Variants in ATXN7L1 observed in about 807,000 individuals in gnomAD.
ATXN7L1 encodes the protein ataxin 7 like 1.
Under a neutral mutation model 70.8 loss-of-function variants are expected in ATXN7L1, and 15 were observed. That is an observed-to-expected ratio of 0.21 (90% confidence interval 0.14 to 0.33). The LOEUF is 0.33. Among genes scored for constraint, ATXN7L1 ranks in the 10% least tolerant of loss-of-function variants. The probability of loss-of-function intolerance (pLI) is 1.00; values close to 1 mark genes in which losing one functional copy is unlikely to be tolerated. For synonymous variants in ATXN7L1, 440 were observed against 445.1 expected (o/e 0.99, Z 0.14); for missense variants, 975 against 1,097.1 (o/e 0.89, Z 1.57).
At chr7:105,728,734 G>A (rs1796186110) in intron 3 of ATXN7L1, among the ~76,000 whole-genome samples, 1 of 152,044 alleles carries the variant, frequency 6.6e-6, no homozygotes, top group Non-Finnish European at 1.5e-5. Context: ...GCAGAGGCAG[G>A]AAATATACAA....
At chr7:105,712,556 G>C (rs1205746636) in intron 3 of ATXN7L1, among the ~76,000 whole-genome samples, 3 of 152,154 alleles carry the variant, frequency 2.0e-5, no homozygotes, top group Non-Finnish European at 4.4e-5. Context: ...TCTTCTGCCA[G>C]ATACCCTAAA....
chr7:105,700,382 C>T (rs1792285068), intron 3 of ATXN7L1, among the ~76,000 whole-genome samples: 1 of 151,884 alleles, frequency 6.6e-6, no homozygotes, highest in African/African-American at 2.4e-5. Context: ...TGGCATGCTC[C>T]TGTTGTCCCA....
intron 3 of ATXN7L1, among the ~76,000 whole-genome samples, chr7:105,700,117 T>C (rs1028498491): frequency 1.3e-5 from 2 of 152,194 alleles, no homozygotes; most frequent in Admixed American, 6.5e-5. Flanking sequence ...TACTGAGATA[T>C]TATGGAATGC....
At position 105,610,559 on chromosome 7, in the gene ATXN7L1, T is replaced by A; in HGVS notation, c.2517A>T (p.Ser839=). 1 of 1,551,386 alleles carries A rather than the reference T, an allele frequency of 6.4e-7. No individual in the cohort carries two copies. The highest frequency in any genetic ancestry group is 8.7e-7 in the Non-Finnish European group (1 of 1,146,942). Residue 839 remains serine, a synonymous_variant, in exon 11 of 12, where the codon TCA becomes TCT. Coordinates refer to ENST00000419735, the MANE Select transcript of ATXN7L1 (RefSeq NM_020725.2). ...GGCTGTGTCCTGGGCTGGATATACT[T>A]GAAGGACTGGATTGTGACAAAGCTA... is the stretch of plus-strand genomic sequence containing the variant. The part of the protein sequence containing the change: ...SSLALSQSSP[S]SISSPGHSRQ...
At chr7:105,632,271 A>T (rs1300112417) in intron 7 of ATXN7L1, among the ~76,000 whole-genome samples, 1 of 152,244 alleles carries the variant, frequency 6.6e-6, no homozygotes, top group African/African-American at 2.4e-5. Flanking sequence ...ATCTTCAAAG[A>T]TATTAGGATG....
intron 3 of ATXN7L1, chr7:105,761,418 C>T (rs369430279): frequency 6.2e-7 from 1 of 1,614,128 alleles, no homozygotes; most frequent in East Asian, 2.2e-5. Flanking sequence ...GCTCTCTGGT[C>T]CACTCCTGGA....
At chr7:105,738,196 G>A (rs1025232140) in intron 3 of ATXN7L1, among the ~76,000 whole-genome samples, 1 of 152,290 alleles carries the variant, frequency 6.6e-6, no homozygotes, top group African/African-American at 2.4e-5. Flanking sequence ...TCTTTCGTGT[G>A]GCCTTGAAGG....
At chr7:105,621,279 G>C (rs896939174) in intron 8 of ATXN7L1, among the ~76,000 whole-genome samples, 2 of 152,088 alleles carry the variant, frequency 1.3e-5, no homozygotes, top group Non-Finnish European at 2.9e-5. Flanking sequence ...CCCTTATCAA[G>C]ACTCTCATTT....
Position 105,606,544 on chromosome 7 carries a change from C to T in ATXN7L1, c.*1308G>A, listed in dbSNP as rs529446678. On this transcript the variant is annotated 3_prime_UTR_variant, in exon 12 of 12. Coordinates refer to ENST00000419735, the MANE Select transcript of ATXN7L1 (RefSeq NM_020725.2). Reference sequence around the variant, plus strand: ...GAACACCTATTTTATGTTGTGAATTCCTTTCCTGATTATGATTCCCTACTA... The same window carrying T: ...GAACACCTATTTTATGTTGTGAATTTCTTTCCTGATTATGATTCCCTACTA... The T allele has an allele frequency of 2.6e-5, 4 of 152,356 alleles. No individual in the cohort carries two copies. The highest frequency in any genetic ancestry group is 2.6e-4 in the Admixed American group (4 of 15,290). 9.4% of individuals were successfully genotyped at this position (152,356 alleles called of 1,614,324 possible). A position where few individuals can be genotyped will look rare whatever the true frequency, so the allele number is the denominator to read the frequency against.
chr7:105,821,648 CTGAAT>C (rs1359170579), intron 2 of ATXN7L1, among the ~76,000 whole-genome samples: 2 of 152,250 alleles, frequency 1.3e-5, no homozygotes, highest in African/African-American at 4.8e-5. Flanking sequence ...ACAGAGCAAT[CTGAAT>C]TTGATTGTGG....
intron 3 of ATXN7L1, among the ~76,000 whole-genome samples, chr7:105,729,505 C>T (rs1301990815): frequency 1.3e-5 from 2 of 151,278 alleles, no homozygotes; most frequent in East Asian, 1.9e-4. Flanking sequence ...TCTCAGCTCG[C>T]CACAATCTCT....
chr7:105,748,440 A>T (rs1280952230), intron 3 of ATXN7L1, among the ~76,000 whole-genome samples: 1 of 152,156 alleles, frequency 6.6e-6, no homozygotes, highest in Non-Finnish European at 1.5e-5. Flanking sequence ...CGACCATCTT[A>T]GGGATCTCTC....
intron 2 of ATXN7L1, among the ~76,000 whole-genome samples, chr7:105,810,266 A>G (rs1282849438): frequency 1.3e-5 from 2 of 152,212 alleles, no homozygotes; most frequent in African/African-American, 4.8e-5. Context: ...CAGCAGGAAG[A>G]GGATGGCCTT....
chr7:105,691,097 C>T (rs1002183346), intron 3 of ATXN7L1, among the ~76,000 whole-genome samples: 10 of 152,206 alleles, frequency 6.6e-5, no homozygotes, highest in African/African-American at 2.2e-4. Context: ...CCCCCTCCCC[C>T]GTGACTCTGA....
intron 4 of ATXN7L1, among the ~76,000 whole-genome samples, chr7:105,652,745 C>T (rs1800041901): frequency 6.6e-6 from 1 of 152,238 alleles, no homozygotes; most frequent in South Asian, 2.1e-4. Flanking sequence ...GGCTCCCATC[C>T]TAAGCCTTTG....
At chr7:105,732,563 C>T (rs1008838270) in intron 3 of ATXN7L1, among the ~76,000 whole-genome samples, 2 of 152,156 alleles carry the variant, frequency 1.3e-5, no homozygotes, top group African/African-American at 4.8e-5. Context: ...CATGGACCCC[C>T]AAGGCCCCTC....
chr7:105,624,050 T>C (rs573217158), intron 8 of ATXN7L1, 25 bp downstream of exon 8: 3 of 1,375,772 alleles, frequency 2.2e-6, no homozygotes, highest in African/African-American at 1.5e-5. Flanking sequence ...GAAGAACGCA[T>C]GGCAAGGAAC....
chr7:105,821,246 T>C (rs970749173), intron 2 of ATXN7L1, among the ~76,000 whole-genome samples: 15 of 152,216 alleles, frequency 9.9e-5, no homozygotes, highest in East Asian at 1.9e-4. Flanking sequence ...TCCATGTTGG[T>C]CAGGCTGGTC....
intron 3 of ATXN7L1, among the ~76,000 whole-genome samples, chr7:105,678,771 G>T (rs1038368068): frequency 6.6e-6 from 1 of 152,130 alleles, no homozygotes; most frequent in African/African-American, 2.4e-5. Flanking sequence ...CAGGCCGGAG[G>T]CTGGTGCCTC....
Sources: gnomAD v4.1 joint callset for allele counts (sites outside exome capture counted in the v4.1 genomes callset) on GRCh38, gnomAD v4.1.1 for gene constraint, MANE v1.5 for transcripts, NCBI Gene and HGNC (gene_info 2026-07-23, HGNC 2026-07-21) for gene names.